ELAPOR1: variants seen among roughly 807,000 people sequenced by gnomAD.
The protein encoded by ELAPOR1 is endosome/lysosome-associated apoptosis and autophagy regulator 1.
ELAPOR1 carries 77 observed loss-of-function variants against 119.7 expected under a neutral mutation model. The ratio of observed to expected loss-of-function variants is 0.64; its 90% CI spans 0.54 to 0.78. The LOEUF (loss-of-function observed/expected upper bound fraction) is 0.78. Ranked by LOEUF, ELAPOR1 falls within the 30% of genes least tolerant of loss-of-function variation. ELAPOR1 has a pLI of 0.00. For missense variants in ELAPOR1, 1,115 were observed against 1,270.4 expected, an observed-to-expected ratio of 0.88 and a Z score of 1.86; for synonymous variants, 481 against 487.2, an observed-to-expected ratio of 0.99 and a Z score of 0.17.
intron 1 of ELAPOR1, among the ~76,000 whole-genome samples, chr1:109,114,825 C>T (rs1161641498): frequency 1.3e-5 from 2 of 152,114 alleles, no homozygotes; most frequent in Admixed American, 6.6e-5. Flanking sequence ...GGGAGATGTG[C>T]GAGAGGGATG....
chr1:109,162,731 G>A (rs1305831992), intron 2 of ELAPOR1, among the ~76,000 whole-genome samples: 1 of 152,258 alleles, frequency 6.6e-6, no homozygotes, highest in Admixed American at 6.5e-5. Context: ...ACAGTGCCTG[G>A]TTGAGTAAGT....
intron 7 of ELAPOR1, among the ~76,000 whole-genome samples, chr1:109,178,341 A>G (rs1465247780): frequency 6.6e-6 from 1 of 152,132 alleles, no homozygotes; most frequent in Non-Finnish European, 1.5e-5. Context: ...AACATGGTCA[A>G]CTTGTTGACA....
In ELAPOR1 at chr1:109,205,397, G is replaced by A. The variant is rs1199053633; in HGVS notation, c.*2385G>A. On this transcript the variant is annotated 3_prime_UTR_variant, in exon 22 of 22. Coordinates refer to ENST00000369939, the MANE Select transcript of ELAPOR1 (RefSeq NM_020775.5). Reference sequence around the variant, plus strand: ...TTTGTAAGAGTCAATGAGAACTAGAGCCAGGCTGTGGTCCCTGGCCATCAA... The same window carrying A: ...TTTGTAAGAGTCAATGAGAACTAGAACCAGGCTGTGGTCCCTGGCCATCAA... 1 of 152,232 alleles carries A rather than the reference G, an allele frequency of 6.6e-6. No homozygotes were observed. The highest frequency in any genetic ancestry group is 1.5e-5 in the Non-Finnish European group (1 of 68,050). The allele number at this position is 152,232 out of a possible 1,614,324, so 9.4% of individuals were successfully genotyped here.
At chr1:109,150,269 G>A (rs533873787) in intron 1 of ELAPOR1, among the ~76,000 whole-genome samples, 60 of 152,268 alleles carry the variant, frequency 3.9e-4, no homozygotes, top group Middle Eastern at 3.4e-3. Context: ...CTGTCTCTGC[G>A]GTTTATGATC....
intron 7 of ELAPOR1, among the ~76,000 whole-genome samples, chr1:109,174,721 T>C (rs1652155930): frequency 1.3e-5 from 2 of 151,626 alleles, no homozygotes; most frequent in Admixed American, 6.6e-5. Flanking sequence ...AGGGTTGCAA[T>C]CCTTTTTTTT....
intron 1 of ELAPOR1, among the ~76,000 whole-genome samples, chr1:109,134,563 A>G (rs2100986463): frequency 6.6e-6 from 1 of 152,314 alleles, no homozygotes; most frequent in East Asian, 1.9e-4. Flanking sequence ...TCCAGTGAAC[A>G]GCCAGCTTTT....
intron 14 of ELAPOR1, among the ~76,000 whole-genome samples, chr1:109,193,954 G>C (rs1473693206): frequency 6.6e-6 from 1 of 152,184 alleles, no homozygotes; most frequent in African/African-American, 2.4e-5. Flanking sequence ...TCGGAGTTCA[G>C]TTTCCTACAG....
At chr1:109,191,072 G>A (rs954887107) in intron 11 of ELAPOR1, among the ~76,000 whole-genome samples, 28 of 152,118 alleles carry the variant, frequency 1.8e-4, no homozygotes, top group African/African-American at 6.5e-4. Context: ...TGCTAGTGAG[G>A]TGATACAGCA....
Position 109,194,306 on chromosome 1 carries a change from C to T in ELAPOR1, c.1948-115C>T, listed in dbSNP as rs1332439715. On this transcript the variant is annotated intron_variant, in intron 14 of 21. Transcript: ENST00000369939. ...ACTAGCCACTCCTAATCCTTTCTTC[C>T]TCCTCTTGACCCCATTTGGGCGGGA... The T allele has an allele frequency of 6.0e-6, 5 of 835,508 alleles. No homozygotes were observed. In the African/African-American group the frequency reaches 8.3e-5, roughly 14 times the overall value. 51.8% of individuals were successfully genotyped at this position (835,508 alleles called of 1,614,324 possible).
Position 109,159,164 on chromosome 1 carries a change from G to T in ELAPOR1, c.154-2730G>T, listed in dbSNP as rs1651084729. ...CCACCTTGGCCTCCCAAAGTGCTGG[G>T]ATTACAGCGTGAGCCACCGTGCCCC... On this transcript the variant is annotated intron_variant, in intron 1 of 21. Transcript: ENST00000369939. Among the ~76,000 whole-genome samples, 4 of 152,242 alleles carry T rather than the reference G, an allele frequency of 2.6e-5. No homozygotes were observed. The South Asian group carries it at 8.3e-4, about 32-fold the overall frequency.
chr1:109,155,594 T>A (rs1001474438), intron 1 of ELAPOR1, among the ~76,000 whole-genome samples: 4 of 152,142 alleles, frequency 2.6e-5, no homozygotes, highest in Non-Finnish European at 5.9e-5. Context: ...AAATAAAAAA[T>A]AAAATATATT....
intron 7 of ELAPOR1, among the ~76,000 whole-genome samples, chr1:109,183,364 GAGAGAGAAA>G (rs1652833429): frequency 7.8e-6 from 1 of 128,100 alleles, no homozygotes; most frequent in Non-Finnish European, 1.7e-5. Context: ...AAAAGAGAGA[GAGAGAGAAA>G]AGAAAACAAA....
chr1:109,200,898 A>T lies in ELAPOR1; in HGVS notation c.2971A>T (p.Lys991Ter), dbSNP rs1200713884. ...TGGGAAGATCAAATCATTTACCTCC[A>T]AGGTAGGGGTCCTGGCCAGTGCACT... ...LFGKIKSFTSKRTPDGFDSVP... is the reference protein window; with the variant it reads ...LFGKIKSFTS Residue 991 changes from lysine to a stop codon, truncating the protein, a stop_gained and splice_region_variant, in exon 21 of 22, where the codon AAG becomes TAG. Transcript: ENST00000369939. LOFTEE classifies it high-confidence loss of function. 6.2e-7 allele frequency: 1 copy of T among 1,613,406 alleles called. No homozygotes were observed. Among genetic ancestry groups the T allele is most frequent in the Non-Finnish European group, 8.5e-7 (1 of 1,179,646 alleles).
At position 109,123,229 on chromosome 1, in the gene ELAPOR1, T is replaced by G. The variant is rs186537344; in HGVS notation, c.153+8893T>G. On this transcript the variant is annotated intron_variant, in intron 1 of 21. Coordinates refer to ENST00000369939, the MANE Select transcript of ELAPOR1 (RefSeq NM_020775.5). ...ACATATGGGGGATGGGAAGAATATG[T>G]TGCCATTTTTGAAGCATACCACTAG... Among the ~76,000 whole-genome samples, 111 of 152,300 alleles carry G rather than the reference T, an allele frequency of 7.3e-4. No individual in the cohort carries two copies. In the East Asian group the frequency reaches 0.019, roughly 25 times the overall value.
At chr1:109,187,940 T>C in intron 8 of ELAPOR1, 1 of 1,278,698 alleles carries the variant, frequency 7.8e-7, no homozygotes, top group East Asian at 2.9e-5. Flanking sequence ...ATTAGAGCTA[T>C]TCCTTGTCAC....
chr1:109,197,009 T>C (rs112214741), intron 15 of ELAPOR1, among the ~76,000 whole-genome samples: 10 of 152,058 alleles, frequency 6.6e-5, no homozygotes, highest in Admixed American at 1.3e-4. Context: ...ATTTATAACA[T>C]TGAAAATGTT....
intron 1 of ELAPOR1, among the ~76,000 whole-genome samples, chr1:109,144,048 TATATA>T (rs1650000861): frequency 2.0e-5 from 1 of 50,176 alleles, no homozygotes; most frequent in African/African-American, 5.9e-5. Flanking sequence ...TATATATATA[TATATA>T]TTTATATATT....
intron 1 of ELAPOR1, among the ~76,000 whole-genome samples, chr1:109,139,983 G>A (rs1365174376): frequency 2.0e-5 from 3 of 152,040 alleles, no homozygotes; most frequent in Admixed American, 6.6e-5. Context: ...GGCTGGTCTC[G>A]AACTCCTGAG....
intron 1 of ELAPOR1, among the ~76,000 whole-genome samples, chr1:109,126,584 C>T (rs1648795977): frequency 6.6e-6 from 1 of 152,116 alleles, no homozygotes; most frequent in Non-Finnish European, 1.5e-5. Flanking sequence ...AATTCTCCTG[C>T]CTCAGCCTCC....
Sources: gnomAD v4.1 joint callset for allele counts (sites outside exome capture counted in the v4.1 genomes callset) on GRCh38, gnomAD v4.1.1 for gene constraint, MANE v1.5 for transcripts, NCBI Gene and HGNC (gene_info 2026-07-23, HGNC 2026-07-21) for gene names.